SLC9A5: variants seen among roughly 807,000 people sequenced by gnomAD.
SLC9A5 encodes the protein sodium/hydrogen exchanger 5.
A neutral mutation model predicts 91.7 loss-of-function variants in SLC9A5; 52 were observed. The ratio of observed to expected loss-of-function variants is 0.57; its 90% CI spans 0.45 to 0.71. The LOEUF is 0.71. Among genes scored for constraint, SLC9A5 ranks in the 30% least tolerant of loss-of-function variants. SLC9A5 has a pLI of 0.00. For missense variants in SLC9A5, 871 were observed against 1,158.9 expected (o/e 0.75, Z 3.61); for synonymous variants, 419 against 474.5 (o/e 0.88, Z 1.52).
In SLC9A5 at chr16:67,252,902, A is replaced by C; in HGVS notation, c.490+58A>C. On this transcript the variant is annotated intron_variant, in intron 2 of 15. Transcript: ENST00000299798. This position sits in a 1 kb window ranked among gnomAD's most constrained non-coding sequence, Gnocchi z 4.0. ...CCCATCACCCCTCTCCCTTCTCCTC[A>C]AGCTCTGGAGGCCCATGCTGGTGTG... The C allele has an allele frequency of 1.4e-6, 2 of 1,458,130 alleles. No individual in the cohort carries two copies. Among genetic ancestry groups the C allele is most frequent in the Non-Finnish European group, 1.9e-6 (2 of 1,076,694 alleles). The allele number at this position is 1,458,130 out of a possible 1,614,324, so 90.3% of individuals were successfully genotyped here.
At position 67,272,122 on chromosome 16, in the gene SLC9A5, T is replaced by C. The variant is rs1379169323; in HGVS notation, c.*912T>C. 1.3e-5 allele frequency: 2 copies of C among 152,262 alleles called. No individual in the cohort carries two copies. The highest frequency in any genetic ancestry group is 1.3e-4 in the Admixed American group (2 of 15,272). The allele number at this position is 152,262 out of a possible 1,614,324, so 9.4% of individuals were successfully genotyped here. A position where few individuals can be genotyped will look rare whatever the true frequency, so the allele number is the denominator to read the frequency against. On this transcript the variant is annotated 3_prime_UTR_variant, in exon 16 of 16. Transcript: ENST00000299798. ...GGGCTGACAGGGTGGCAGGTGACTTTCTAGGGATCAGCACCTGCCCTGTGT... is the reference window on the plus strand; with the variant it reads ...GGGCTGACAGGGTGGCAGGTGACTTCCTAGGGATCAGCACCTGCCCTGTGT...
intron 15 of SLC9A5, among the ~76,000 whole-genome samples, chr16:67,268,296 C>T (rs1191980184): frequency 6.7e-6 from 1 of 148,884 alleles, no homozygotes; most frequent in East Asian, 2.0e-4. Flanking sequence ...AGATGAAAGG[C>T]GTGAACTACC....
intron 14 of SLC9A5, 30 bp from the exon 15 acceptor site, chr16:67,266,058 A>T (rs776730079): frequency 1.2e-6 from 2 of 1,608,228 alleles, no homozygotes; most frequent in Non-Finnish European, 1.7e-6. Context: ...CCAGCCCAGG[A>T]TGCCTGACTC....
rs762260919 is a variant in SLC9A5 at position 67,252,505 on chromosome 16, A to T, written c.188-37A>T. ...AGGCCTGTGTGTGGGAGGATATTCC[A>T]TAAACTGATCCATCCTGCACTCTTT... On this transcript the variant is annotated intron_variant, in intron 1 of 15. Transcript: ENST00000299798. The surrounding 1 kb of genome is among the most constrained non-coding windows in gnomAD (Gnocchi z 4.0). 1.1e-5 allele frequency: 17 copies of T among 1,568,840 alleles called. 2 individuals carry two copies. In the South Asian group the frequency reaches 2.0e-4, roughly 18 times the overall value.
Position 67,255,055 on chromosome 16 carries a change from G to A in SLC9A5, c.525G>A (p.Leu175=). The A allele has an allele frequency of 6.2e-7, 1 of 1,614,060 alleles. No homozygotes were observed. Among genetic ancestry groups the A allele is most frequent in the South Asian group, 1.1e-5 (1 of 91,058 alleles). The change falls in exon 3 of 16, where the codon CTG becomes CTA. Residue 175 remains leucine, a synonymous_variant. Coordinates refer to ENST00000299798, the MANE Select transcript of SLC9A5 (RefSeq NM_004594.3). This position sits in a 1 kb window ranked among gnomAD's most constrained non-coding sequence, Gnocchi z 4.9. ...TGCAGGCTGGCTTACTGGACTTCCT[G>A]CTGTTTGGGAGCCTCATCTCGGCGG... is the stretch of plus-strand genomic sequence containing the variant. The part of the protein sequence containing the change: ...PRVQAGLLDF[L]LFGSLISAVD...
chr16:67,264,505 A>C lies in SLC9A5; in HGVS notation c.1996A>C (p.Lys666Gln). Residue 666 changes from lysine to glutamine, a missense_variant, in exon 13 of 16, where the codon AAG becomes CAG. Coordinates refer to ENST00000299798, the MANE Select transcript of SLC9A5 (RefSeq NM_004594.3). ...CFTKSKPRPRKTGRRKKDGVA... is the reference protein window; with the variant it reads ...CFTKSKPRPRQTGRRKKDGVA... Reference sequence around the variant, plus strand: ...CACCAAGAGCAAGCCACGACCCCGCAAGACTGGCCGCAGGAAGGCATGTCT... The same window carrying C: ...CACCAAGAGCAAGCCACGACCCCGCCAGACTGGCCGCAGGAAGGCATGTCT... The C allele has an allele frequency of 6.2e-7, 1 of 1,614,144 alleles. No homozygotes were observed.
Position 67,255,968 on chromosome 16 carries a change from G to C in SLC9A5, c.911+38G>C, listed in dbSNP as rs1207668109. The C allele has an allele frequency of 1.3e-6, 2 of 1,599,706 alleles. No individual in the cohort carries two copies. ...GGCCTTGCAGGCAGATAGCTGGGAG[G>C]GGGCACTGGAGATGGTTGCCCCTCA... On this transcript the variant is annotated intron_variant, in intron 5 of 15. Transcript: ENST00000299798. This position sits in a 1 kb window ranked among gnomAD's most constrained non-coding sequence, Gnocchi z 4.9.
intron 12 of SLC9A5, among the ~76,000 whole-genome samples, chr16:67,260,354 C>CA (rs397932908): frequency 0.028 from 911 of 32,294 alleles, 19 homozygotes; most frequent in East Asian, 0.089. Context: ...GACTCCATCT[C>CA]AAAAAAAAAA....
Position 67,257,242 on chromosome 16 carries a change from C to A in SLC9A5, c.1336-103C>A. 1.5e-6 allele frequency: 2 copies of A among 1,354,660 alleles called. No individual in the cohort carries two copies. The highest frequency in any genetic ancestry group is 2.1e-6 in the Non-Finnish European group (2 of 956,006). The allele number at this position is 1,354,660 out of a possible 1,614,324, so 83.9% of individuals were successfully genotyped here. On this transcript the variant is annotated intron_variant, in intron 7 of 15. Coordinates refer to ENST00000299798, the MANE Select transcript of SLC9A5 (RefSeq NM_004594.3). The surrounding 1 kb of genome is among the most constrained non-coding windows in gnomAD (Gnocchi z 5.1). Reference sequence around the variant, plus strand: ...GCCCTGACTTCCCAGACCTTGAGTGCAGTGGGGTAGGGGTACTGAAGCTGA... The same window carrying A: ...GCCCTGACTTCCCAGACCTTGAGTGAAGTGGGGTAGGGGTACTGAAGCTGA...
chr16:67,257,523 C>T lies in SLC9A5; in HGVS notation c.1426-8C>T, dbSNP rs771835139. ...CTGATCCAGTCCCCCTACCCACCCC[C>T]CTTCTAGACTTTTGACCACATTCTG... On this transcript the variant is annotated splice_region_variant and splice_polypyrimidine_tract_variant and intron_variant, in intron 8 of 15. Transcript: ENST00000299798. This position sits in a 1 kb window ranked among gnomAD's most constrained non-coding sequence, Gnocchi z 5.1. 2.5e-6 allele frequency: 4 copies of T among 1,614,184 alleles called. No individual in the cohort carries two copies. Among genetic ancestry groups the T allele is most frequent in the Non-Finnish European group, 3.4e-6 (4 of 1,180,018 alleles).
At position 67,252,707 on chromosome 16, in the gene SLC9A5, A is replaced by G. The variant is rs779389625; in HGVS notation, c.353A>G (p.Asp118Gly). 1 of 1,614,136 alleles carries G rather than the reference A, an allele frequency of 6.2e-7. No homozygotes were observed. The highest frequency in any genetic ancestry group is 8.5e-7 in the Non-Finnish European group (1 of 1,180,018). The change falls in exon 2 of 16, where the codon GAC becomes GGC. Residue 118 changes from aspartate to glycine, a missense_variant. Coordinates refer to ENST00000299798, the MANE Select transcript of SLC9A5 (RefSeq NM_004594.3). The surrounding 1 kb of genome is among the most constrained non-coding windows in gnomAD (Gnocchi z 4.0). ...TTCCTGCTGCCTCCTATTGTGTTGG[A>G]CTCAGGCTATTTCATGCCTAGCAGG... ...FLFLLPPIVLDSGYFMPSRLF... is the reference protein window; with the variant it reads ...FLFLLPPIVLGSGYFMPSRLF...
Position 67,249,149 on chromosome 16 carries a change from G to T in SLC9A5, c.135G>T (p.Glu45Asp). 1 of 1,563,742 alleles carries T rather than the reference G, an allele frequency of 6.4e-7. No homozygotes were observed. The change falls in exon 1 of 16, where the codon GAG (glutamate) becomes GAT (aspartate). Residue 45 changes from glutamate (E) to aspartate (D), a missense_variant. Coordinates refer to ENST00000299798, the MANE Select transcript of SLC9A5 (RefSeq NM_004594.3). ...ELFRWQWHEVEAPYLVALWIL... is the reference protein window; with the variant it reads ...ELFRWQWHEVDAPYLVALWIL... ...TCCGCTGGCAGTGGCACGAGGTGGAGGCGCCCTACCTGGTGGCCCTGTGGA... is the reference window on the plus strand; with the variant it reads ...TCCGCTGGCAGTGGCACGAGGTGGATGCGCCCTACCTGGTGGCCCTGTGGA...
intron 10 of SLC9A5, 111 bp from the exon 11 acceptor site, chr16:67,259,462 C>T: frequency 1.3e-6 from 1 of 742,896 alleles, no homozygotes; most frequent in Non-Finnish European, 2.4e-6. Flanking sequence ...GAGTACCTGG[C>T]ATGTCAAAAG....
chr16:67,256,587 T>C lies in SLC9A5; in HGVS notation c.1030T>C (p.Phe344Leu). 2 of 1,614,160 alleles carry C rather than the reference T, an allele frequency of 1.2e-6. No individual in the cohort carries two copies. Among genetic ancestry groups the C allele is most frequent in the East Asian group, 2.2e-5 (1 of 44,882 alleles). The change falls in exon 6 of 16, where the codon TTC (phenylalanine) becomes CTC (leucine). Residue 344 changes from phenylalanine (F) to leucine (L), a missense_variant. Transcript: ENST00000299798. The surrounding 1 kb of genome is among the most constrained non-coding windows in gnomAD (Gnocchi z 4.1). ...AGCCAGCTGTGCTGAGACCGTGATC[T>C]TCATGCTGCTTGGCATCTCAGCCGT... ...TLASCAETVI[F>L]MLLGISAVDS...
chr16:67,255,749 C>A lies in SLC9A5; in HGVS notation c.734-4C>A. The stretch of plus-strand genomic sequence containing the variant: ...GTCATGCTGACAACCCACTCCTCCC[C>A]CAGCCTCCCTGTTTGTGGTCAGTCT... On this transcript the variant is annotated splice_region_variant and splice_polypyrimidine_tract_variant and intron_variant, in intron 4 of 15. Coordinates refer to ENST00000299798, the MANE Select transcript of SLC9A5 (RefSeq NM_004594.3). This position sits in a 1 kb window ranked among gnomAD's most constrained non-coding sequence, Gnocchi z 4.9. The A allele has an allele frequency of 1.3e-6, 2 of 1,562,502 alleles. No individual in the cohort carries two copies. Among genetic ancestry groups the A allele is most frequent in the East Asian group, 4.7e-5 (2 of 42,498 alleles).
rs897610356 is a variant in SLC9A5, at chr16:67,252,081, C to T, written c.188-461C>T. ...AGCACTAAGAAACAGATGACTTTGA[C>T]TGCAGGGGAGGGTTTGTAGCCCTGG... On this transcript the variant is annotated intron_variant, in intron 1 of 15. Coordinates refer to ENST00000299798, the MANE Select transcript of SLC9A5 (RefSeq NM_004594.3). The surrounding 1 kb of genome is among the most constrained non-coding windows in gnomAD (Gnocchi z 4.0). 6.6e-6 allele frequency among the ~76,000 whole-genome samples: 1 copy of T among 152,200 alleles called. No individual in the cohort carries two copies. Among genetic ancestry groups the T allele is most frequent in the African/African-American group, 2.4e-5 (1 of 41,440 alleles).
intron 14 of SLC9A5, 177 bp downstream of exon 14, chr16:67,265,283 C>G (rs118022123): frequency 4.5e-5 from 28 of 615,846 alleles, no homozygotes; most frequent in Non-Finnish European, 7.8e-5. Flanking sequence ...TTAGACAATG[C>G]GTGACAGGAG....
At position 67,264,536 on chromosome 16, in the gene SLC9A5, CAG is replaced by C. The variant is rs776137433; in HGVS notation, c.2013+15_2013+16del. ...GGCCGCAGGAAGGCATGTCTTCCCT[CAG>C]GGACTCCTCTTGGGAGCTGGAGGCT... is the stretch of plus-strand genomic sequence containing the variant. On this transcript the variant is annotated intron_variant, in intron 13 of 15. Coordinates refer to ENST00000299798, the MANE Select transcript of SLC9A5 (RefSeq NM_004594.3). The C allele has an allele frequency of 3.0e-5, 49 of 1,613,596 alleles. No homozygotes were observed. Among genetic ancestry groups the C allele is most frequent in the Non-Finnish European group, 4.0e-5 (47 of 1,179,628 alleles).
In SLC9A5 at chr16:67,255,633, G is replaced by A; in HGVS notation, c.734-120G>A. 1 of 1,334,536 alleles carries A rather than the reference G, an allele frequency of 7.5e-7. No individual in the cohort carries two copies. Among genetic ancestry groups the A allele is most frequent in the Non-Finnish European group, 1.0e-6 (1 of 958,520 alleles). 82.7% of individuals were successfully genotyped at this position (1,334,536 alleles called of 1,614,324 possible). On this transcript the variant is annotated intron_variant, in intron 4 of 15. Coordinates refer to ENST00000299798, the MANE Select transcript of SLC9A5 (RefSeq NM_004594.3). The surrounding 1 kb of genome is among the most constrained non-coding windows in gnomAD (Gnocchi z 4.9). ...GGGCTTGCCAGGGATCCTGGCTCTG[G>A]GGTTTTGAGCCCCTGGGAGTGCGGT...
Sources: allele counts gnomAD v4.1 joint callset (sites outside exome capture counted in the v4.1 genomes callset), GRCh38; gene constraint gnomAD v4.1.1; non-coding constraint Gnocchi (gnomAD v3.1); transcripts MANE v1.5; gene names NCBI Gene and HGNC (gene_info 2026-07-23, HGNC 2026-07-21).